Variants in GRIN2D observed in about 807,000 individuals in gnomAD.
The protein encoded by GRIN2D is glutamate receptor ionotropic, NMDA 2D.
GRIN2D carries 37 observed loss-of-function variants against 103.2 expected under a neutral mutation model. The ratio of observed to expected loss-of-function variants is 0.36; its 90% CI spans 0.28 to 0.47. The LOEUF is 0.47. GRIN2D is among the 20% of genes least tolerant of loss of function. GRIN2D has a pLI of 1.00. For missense variants in GRIN2D, 1,557 were observed against 1,910.6 expected, an observed-to-expected ratio of 0.81 and a Z score of 3.45; for synonymous variants, 845 against 885.6, an observed-to-expected ratio of 0.95 and a Z score of 0.81.
intron 9 of GRIN2D, 40 bp from the exon 10 acceptor site, chr19:48,419,545 A>C: frequency 6.8e-7 from 1 of 1,469,836 alleles, no homozygotes; most frequent in African/African-American, 1.4e-5. Flanking sequence ...CTTATTGAGA[A>C]GGGATTTGGG....
intron 11 of GRIN2D, among the ~76,000 whole-genome samples, chr19:48,437,632 C>T (rs985224798): frequency 1.3e-5 from 2 of 152,188 alleles, no homozygotes; most frequent in African/African-American, 4.8e-5. Flanking sequence ...TCCACTCCCG[C>T]TTGTCCTCTG....
At chr19:48,415,442 T>A (rs1000564029) in intron 7 of GRIN2D, among the ~76,000 whole-genome samples, 1 of 144,714 alleles carries the variant, frequency 6.9e-6, no homozygotes, top group East Asian at 2.0e-4. Flanking sequence ...AAACACCTGA[T>A]TGGGGCCTGG....
In GRIN2D at chr19:48,442,447, G is replaced by C; in HGVS notation, c.2673+65G>C. On this transcript the variant is annotated intron_variant, in intron 13 of 13. Transcript: ENST00000263269. This position sits in a 1 kb window ranked among gnomAD's most constrained non-coding sequence, Gnocchi z 7.2. ...GGGGCGGGGACAAAGGTAAAGCCGAGCAGAGACAAGGAGATGTGGGTCGAG... is the reference window on the plus strand; with the variant it reads ...GGGGCGGGGACAAAGGTAAAGCCGACCAGAGACAAGGAGATGTGGGTCGAG... 2.6e-6 allele frequency: 4 copies of C among 1,558,290 alleles called. No homozygotes were observed. The highest frequency in any genetic ancestry group is 3.5e-6 in the Non-Finnish European group (4 of 1,146,730).
intron 3 of GRIN2D, 59 bp downstream of exon 3, chr19:48,398,916 C>T (rs1290904481): frequency 3.5e-6 from 1 of 285,950 alleles, no homozygotes; most frequent in Non-Finnish European, 4.3e-6. Context: ...CGCTGAGGGG[C>T]GGGACTGGGA....
At chr19:48,410,965 G>A (rs1011593233) in intron 4 of GRIN2D, among the ~76,000 whole-genome samples, 53 of 152,188 alleles carry the variant, frequency 3.5e-4, no homozygotes, top group Middle Eastern at 3.4e-3. Flanking sequence ...ATATTGAGGA[G>A]TCCAGGGACA....
chr19:48,405,191 G>A lies in GRIN2D; in HGVS notation c.923G>A (p.Arg308His), dbSNP rs746376633. 1 of 1,601,052 alleles carries A rather than the reference G, an allele frequency of 6.2e-7. No homozygotes were observed. Among genetic ancestry groups the A allele is most frequent in the Non-Finnish European group, 8.5e-7 (1 of 1,176,784 alleles). The change falls in exon 4 of 14, where the codon CGC (arginine) becomes CAC (histidine). Residue 308 changes from arginine (R) to histidine (H), a missense_variant. Coordinates refer to ENST00000263269, the MANE Select transcript of GRIN2D (RefSeq NM_000836.4). The surrounding 1 kb of genome is among the most constrained non-coding windows in gnomAD (Gnocchi z 5.1). ...APLPAGLFAV[R>H]SAGWRDDLAR... ...CTGCCTGCCGGGCTGTTTGCAGTGC[G>A]CTCGGCTGGCTGGCGGGATGACCTG...
intron 10 of GRIN2D, among the ~76,000 whole-genome samples, chr19:48,420,253 C>T (rs573761412): frequency 6.6e-6 from 1 of 151,262 alleles, no homozygotes; most frequent in South Asian, 2.1e-4. Flanking sequence ...ACGGTGAAAC[C>T]CCGTCTCTTC....
rs200627009 is a variant in GRIN2D, at chr19:48,405,265, G to A, written c.997G>A (p.Ala333Thr). Residue 333 changes from alanine (A) to threonine (T), a missense_variant, in exon 4 of 14, where the codon GCC (alanine) becomes ACC (threonine). Ala to Thr is a moderately conservative substitution (Grantham distance 58, BLOSUM62 0). Coordinates refer to ENST00000263269, the MANE Select transcript of GRIN2D (RefSeq NM_000836.4). This position sits in a 1 kb window ranked among gnomAD's most constrained non-coding sequence, Gnocchi z 5.1. Reference protein sequence around the residue: ...GVAVVARGAQALLRDYGFLPE... With the variant: ...GVAVVARGAQTLLRDYGFLPE... ...GGCCGTAGTGGCCAGAGGTGCCCAG[G>A]CCCTGCTGCGTGATTATGGTTTCCT... The A allele has an allele frequency of 1.7e-5, 27 of 1,599,750 alleles. No individual in the cohort carries two copies. The East Asian group carries it at 1.8e-4, about 11-fold the overall frequency.
chr19:48,423,964 G>A (rs1288229064), intron 11 of GRIN2D, among the ~76,000 whole-genome samples: 7 of 151,988 alleles, frequency 4.6e-5, no homozygotes, highest in African/African-American at 1.7e-4. Flanking sequence ...GATTACAGGC[G>A]TGCACTACTA....
rs752729760 is a variant in GRIN2D, at chr19:48,405,221, G to A, written c.953G>A (p.Arg318Gln). The A allele has an allele frequency of 3.7e-6, 6 of 1,601,404 alleles. No individual in the cohort carries two copies. The highest frequency in any genetic ancestry group is 2.2e-5 in the South Asian group (2 of 90,410). The change falls in exon 4 of 14, where the codon CGG becomes CAG. Residue 318 changes from arginine to glutamine, a missense_variant. Transcript: ENST00000263269. This position sits in a 1 kb window ranked among gnomAD's most constrained non-coding sequence, Gnocchi z 5.1. ...GCTGGCTGGCGGGATGACCTGGCTC[G>A]GCGAGTGGCAGCTGGCGTGGCCGTA... ...RSAGWRDDLA[R>Q]RVAAGVAVVA... is the part of the protein sequence containing the mutation.
In GRIN2D at chr19:48,414,541, C is replaced by T; in HGVS notation, c.1369C>T (p.Arg457Ter). ...PADPISGTCI[R>*]DSVPCRSQLN... ...AGACCCTATCAGCGGCACCTGCATC[C>T]GAGACTCCGTCCCCTGCCGGAGCCA... Residue 457 changes from arginine to a stop codon, truncating the protein, a stop_gained, in exon 6 of 14, where the codon CGA (arginine) becomes TGA (stop). Transcript: ENST00000263269. LOFTEE classifies it high-confidence loss of function. The surrounding 1 kb of genome is among the most constrained non-coding windows in gnomAD (Gnocchi z 4.6). The T allele has an allele frequency of 2.6e-6, 4 of 1,556,258 alleles. No homozygotes were observed. Among genetic ancestry groups the T allele is most frequent in the Non-Finnish European group, 3.5e-6 (4 of 1,150,400 alleles).
chr19:48,398,259 C>A, intron 2 of GRIN2D, 108 bp from the exon 3 acceptor site: 2 of 333,142 alleles, frequency 6.0e-6, no homozygotes, highest in Non-Finnish European at 8.9e-6. Context: ...GGCGCCTGTC[C>A]CTCGCTGCAT....
rs1176228103 is a variant in GRIN2D at position 48,421,203 on chromosome 19, C to T, written c.2092-582C>T. 5.9e-5 allele frequency among the ~76,000 whole-genome samples: 9 copies of T among 152,078 alleles called. No homozygotes were observed. The highest frequency in any genetic ancestry group is 1.7e-4 in the African/African-American group (7 of 41,490). Reference sequence around the variant, plus strand: ...CAGCACTTTGGGAGGCCAAGGCGGGCGGATCACCTGAGGTTGGTAGTTCGA... The same window carrying T: ...CAGCACTTTGGGAGGCCAAGGCGGGTGGATCACCTGAGGTTGGTAGTTCGA... On this transcript the variant is annotated intron_variant, in intron 10 of 13. Coordinates refer to ENST00000263269, the MANE Select transcript of GRIN2D (RefSeq NM_000836.4). This position sits in a 1 kb window ranked among gnomAD's most constrained non-coding sequence, Gnocchi z 4.8.
chr19:48,401,489 T>A (rs1047253481), intron 3 of GRIN2D, among the ~76,000 whole-genome samples: 3 of 151,656 alleles, frequency 2.0e-5, no homozygotes, highest in African/African-American at 7.3e-5. Flanking sequence ...ATGGAGGAGG[T>A]AGGGAAAAGT....
intron 11 of GRIN2D, among the ~76,000 whole-genome samples, chr19:48,426,201 T>C (rs1017451073): frequency 6.6e-6 from 1 of 150,512 alleles, no homozygotes; most frequent in Non-Finnish European, 1.5e-5. Context: ...TTCTCTTCTT[T>C]CTTTTTCTTT....
At chr19:48,411,120 A>T (rs1331464924) in intron 4 of GRIN2D, among the ~76,000 whole-genome samples, 1 of 152,022 alleles carries the variant, frequency 6.6e-6, no homozygotes, top group East Asian at 1.9e-4. Context: ...AAGCAAGTAG[A>T]TCATCTGAGC....
chr19:48,441,103 G>C (rs1418039251), intron 11 of GRIN2D, among the ~76,000 whole-genome samples: 1 of 152,074 alleles, frequency 6.6e-6, no homozygotes, highest in South Asian at 2.1e-4. Context: ...GGTTGCTCAC[G>C]CCTGTAATCT....
intron 11 of GRIN2D, among the ~76,000 whole-genome samples, chr19:48,436,442 T>A (rs1351749531): frequency 1.3e-5 from 2 of 152,168 alleles, no homozygotes; most frequent in Non-Finnish European, 2.9e-5. Context: ...TTTACAGTAA[T>A]GATGTCATCC....
chr19:48,396,891 C>G (rs1012879484), intron 2 of GRIN2D, among the ~76,000 whole-genome samples: 3 of 152,060 alleles, frequency 2.0e-5, no homozygotes, highest in African/African-American at 7.2e-5. Flanking sequence ...TCTGGAAGCC[C>G]CTAGTGCGGA....
Sources: gnomAD v4.1 joint callset for allele counts (sites outside exome capture counted in the v4.1 genomes callset) on GRCh38, gnomAD v4.1.1 for gene constraint, Gnocchi (gnomAD v3.1) non-coding constraint, MANE v1.5 for transcripts, NCBI Gene and HGNC (gene_info 2026-07-23, HGNC 2026-07-21) for gene names.